NDRG1: variants seen among roughly 807,000 people sequenced by gnomAD.
The protein encoded by NDRG1 is N-myc downstream regulated 1.
NDRG1 carries 32 observed loss-of-function variants against 56.9 expected under a neutral mutation model. The ratio of observed to expected loss-of-function variants is 0.56; its 90% confidence interval spans 0.42 to 0.76. The LOEUF (loss-of-function observed/expected upper bound fraction) is 0.76. NDRG1 is among the 30% of genes least tolerant of loss of function. NDRG1 has a pLI of 0.00. For synonymous variants in NDRG1, 211 were observed against 204.1 expected (o/e 1.03, Z -0.29); for missense variants, 507 against 545.7 (o/e 0.93, Z 0.71).
At chr8:133,258,493 T>C (rs966008915) in intron 6 of NDRG1, 67 bp from the exon 7 acceptor site, 22 of 1,517,452 alleles carry the variant, frequency 1.4e-5, no homozygotes, top group Non-Finnish European at 2.0e-5. Context: ...AGGACCCACT[T>C]AGAACTTCCT....
intron 1 of NDRG1, among the ~76,000 whole-genome samples, chr8:133,290,340 C>T (rs1409932714): frequency 6.6e-6 from 1 of 152,148 alleles, no homozygotes; most frequent in Non-Finnish European, 1.5e-5. Context: ...AAAAACAGCA[C>T]CAGGAACAGT....
intron 3 of NDRG1, 36 bp downstream of exon 3, chr8:133,280,196 T>A: frequency 6.2e-7 from 1 of 1,610,940 alleles, no homozygotes; most frequent in Non-Finnish European, 8.5e-7. Context: ...GAAGACGGGA[T>A]GAGGAAGGGG....
At chr8:133,247,814 A>G in intron 12 of NDRG1, 61 bp downstream of exon 12, 21 of 1,584,056 alleles carry the variant, frequency 1.3e-5, no homozygotes, top group Non-Finnish European at 1.7e-5. Context: ...CCACTTCAAC[A>G]AAGTCAACCA....
intron 3 of NDRG1, among the ~76,000 whole-genome samples, chr8:133,267,797 C>T (rs1856994357): frequency 6.6e-6 from 1 of 152,166 alleles, no homozygotes; most frequent in South Asian, 2.1e-4. Context: ...GTCCTCACCC[C>T]TGAGCTGGGA....
chr8:133,295,996 C>G (rs1858728002), intron 1 of NDRG1, among the ~76,000 whole-genome samples: 1 of 152,078 alleles, frequency 6.6e-6, no homozygotes, highest in Non-Finnish European at 1.5e-5. Flanking sequence ...CCCCCAGGGA[C>G]AGCAGGGACA....
intron 3 of NDRG1, among the ~76,000 whole-genome samples, chr8:133,272,506 G>A (rs1205110055): frequency 1.3e-5 from 2 of 152,172 alleles, no homozygotes; most frequent in Non-Finnish European, 2.9e-5. Context: ...GACAGGGCTG[G>A]GTCTGCACTC....
chr8:133,260,950 C>T (rs1018830842), intron 5 of NDRG1, among the ~76,000 whole-genome samples: 1 of 152,034 alleles, frequency 6.6e-6, no homozygotes, highest in Non-Finnish European at 1.5e-5. Context: ...ACCATAATTG[C>T]ACAAGGGGAA....
intron 3 of NDRG1, among the ~76,000 whole-genome samples, chr8:133,275,115 T>C (rs1022418634): frequency 6.6e-6 from 1 of 152,112 alleles, no homozygotes; most frequent in African/African-American, 2.4e-5. Context: ...CTGGAACCCA[T>C]CAGGCCCCAG....
rs185271380 is a variant in NDRG1 at position 133,243,566 on chromosome 8, C to A, written c.891+789G>T. 6.8e-3 allele frequency among the ~76,000 whole-genome samples: 1,039 copies of A among 152,340 alleles called. 12 individuals are homozygous for A. The highest frequency in any genetic ancestry group is 0.024 in the African/African-American group (999 of 41,576). On this transcript the variant is annotated intron_variant, in intron 14 of 15. Transcript: ENST00000323851. Reference sequence around the variant, plus strand: ...CAGTGTCACACAGGAATTGCTCCCCCCTGTGCTGGTGTCCTCGAAGCCTGT... The same window carrying A: ...CAGTGTCACACAGGAATTGCTCCCCACTGTGCTGGTGTCCTCGAAGCCTGT...
intron 8 of NDRG1, chr8:133,255,025 G>A (rs1856291685): frequency 3.0e-6 from 1 of 328,324 alleles, no homozygotes; most frequent in South Asian, 2.5e-5. Flanking sequence ...CTCCAAGCCA[G>A]TTTCCCCTTT....
intron 3 of NDRG1, among the ~76,000 whole-genome samples, chr8:133,275,107 G>C (rs1857388476): frequency 6.6e-6 from 1 of 152,072 alleles, no homozygotes; most frequent in African/African-American, 2.4e-5. Flanking sequence ...TCCTGGCCCT[G>C]GAACCCATCA....
intron 14 of NDRG1, 89 bp downstream of exon 14, chr8:133,244,266 T>G (rs1048929188): frequency 6.8e-7 from 1 of 1,465,050 alleles, no homozygotes; most frequent in African/African-American, 1.4e-5. Context: ...CACAGCAAGG[T>G]AATGAGGGAA....
At chr8:133,293,751 C>T (rs1191409146) in intron 1 of NDRG1, among the ~76,000 whole-genome samples, 2 of 152,194 alleles carry the variant, frequency 1.3e-5, no homozygotes, top group South Asian at 2.1e-4. Context: ...GCCAAAGGAG[C>T]TTTGAAACAA....
chr8:133,249,746 A>T (rs1295871590), intron 10 of NDRG1, among the ~76,000 whole-genome samples: 4 of 152,236 alleles, frequency 2.6e-5, no homozygotes, highest in Non-Finnish European at 4.4e-5. Flanking sequence ...AGGATTGTAA[A>T]AGGAGGCAGA....
intron 3 of NDRG1, among the ~76,000 whole-genome samples, chr8:133,266,982 C>T (rs1430157063): frequency 6.6e-6 from 1 of 152,120 alleles, no homozygotes. Flanking sequence ...TTCCCAGGTT[C>T]CCCCGCAGCG....
At position 133,238,201 on chromosome 8, in the gene NDRG1, G is replaced by A. The variant is rs886062712; in HGVS notation, c.*677C>T. ...GGAGATTTTGTCGCCTGCTTTTGCTGCACATTAAGAGGATGCTAGAAAAAT... is the reference window on the plus strand; with the variant it reads ...GGAGATTTTGTCGCCTGCTTTTGCTACACATTAAGAGGATGCTAGAAAAAT... On this transcript the variant is annotated 3_prime_UTR_variant, in exon 16 of 16. Coordinates refer to ENST00000323851, the MANE Select transcript of NDRG1 (RefSeq NM_006096.4). 2.4e-4 allele frequency: 55 copies of A among 232,614 alleles called. No individual in the cohort carries two copies. Among genetic ancestry groups the A allele is most frequent in the Non-Finnish European group, 5.1e-5 (6 of 117,726 alleles). The allele number at this position is 232,614 out of a possible 1,614,324, so 14.4% of individuals were successfully genotyped here.
chr8:133,264,057 C>A (rs1856788393), intron 4 of NDRG1, among the ~76,000 whole-genome samples: 1 of 151,466 alleles, frequency 6.6e-6, no homozygotes, highest in African/African-American at 2.4e-5. Context: ...ACCTTGAAAG[C>A]ACTAAGAAAG....
chr8:133,259,685 GGCAT>G (rs200339392), intron 5 of NDRG1, among the ~76,000 whole-genome samples: 1 of 151,096 alleles, frequency 6.6e-6, no homozygotes, highest in Admixed American at 6.6e-5. Context: ...AATTAAAACA[GGCAT>G]GAATGAGTTC....
Position 133,250,451 on chromosome 8 carries a change from A to G in NDRG1, c.687T>C (p.Asn229=), listed in dbSNP as rs2130698426. 3.1e-6 allele frequency: 5 copies of G among 1,613,920 alleles called. No homozygotes were observed. Among genetic ancestry groups the G allele is most frequent in the Non-Finnish European group, 4.2e-6 (5 of 1,179,810 alleles). The change falls in exon 10 of 16, where the codon AAT becomes AAC. Residue 229 remains asparagine (N), a synonymous_variant. Coordinates refer to ENST00000323851, the MANE Select transcript of NDRG1 (RefSeq NM_006096.4). The part of the protein sequence containing the change: ...MNPGNLHLFI[N]AYNSRRDLEI... ...CTACATCCCAATACCTGTTGTAGGC[A>G]TTGATGAACAGGTGCAGGTTGCCGG...
Sources: gnomAD v4.1 joint callset for allele counts (sites outside exome capture counted in the v4.1 genomes callset) on GRCh38, gnomAD v4.1.1 for gene constraint, MANE v1.5 for transcripts, NCBI Gene and HGNC (gene_info 2026-07-23, HGNC 2026-07-21) for gene names.